TANC1: variants seen among roughly 807,000 people sequenced by gnomAD.
TANC1 encodes the protein protein TANC1.
In TANC1, 77 loss-of-function variants were observed where a neutral mutation model predicts 149.7. The observed-to-expected ratio is 0.51, with a 90% confidence interval of 0.43 to 0.62. The LOEUF (loss-of-function observed/expected upper bound fraction) is 0.62. Ranked by LOEUF, TANC1 falls within the 20% of genes least tolerant of loss-of-function variation. The pLI is 0.00. For synonymous variants in TANC1, 854 were observed against 925.0 expected (o/e 0.92, Z 1.39); for missense variants, 1,985 against 2,321.8 (o/e 0.85, Z 2.98).
chr2:159,201,058 C>G (rs775899115), intron 19 of TANC1, among the ~76,000 whole-genome samples: 1 of 152,204 alleles, frequency 6.6e-6, no homozygotes, highest in Non-Finnish European at 1.5e-5. Context: ...TGCTGTTTTT[C>G]AGGCTTAGCC....
Position 159,230,734 on chromosome 2 carries a change from C to T in TANC1, c.5308C>T (p.Pro1770Ser), listed in dbSNP as rs772662368. 6.2e-7 allele frequency: 1 copy of T among 1,614,200 alleles called. No homozygotes were observed. The highest frequency in any genetic ancestry group is 1.1e-5 in the South Asian group (1 of 91,076). ...CCTGCAGTCTGCTAACACTGAGAAG[C>T]CCTCTCTCATGCAAGTGGGAGGATA... ...AGLQSANTEK[P>S]SLMQVGGYNN... Residue 1770 changes from proline to serine, a missense_variant, in exon 27 of 27, where the codon CCC becomes TCC. Around this residue, in one of 3 missense-constraint regions of TANC1, gnomAD observed 920 missense variants for 994.7 expected, o/e 0.92. Transcript: ENST00000263635. The surrounding 1 kb of genome is among the most constrained non-coding windows in gnomAD (Gnocchi z 4.4).
In TANC1 at chr2:159,217,575, C is replaced by T; in HGVS notation, c.3323C>T (p.Thr1108Ile). 1 of 1,614,200 alleles carries T rather than the reference C, an allele frequency of 6.2e-7. No individual in the cohort carries two copies. Among genetic ancestry groups the T allele is most frequent in the East Asian group, 2.2e-5 (1 of 44,882 alleles). Reference protein sequence around the residue: ...LLGHGAAVSRTNRRGVPPLFC... With the variant: ...LLGHGAAVSRINRRGVPPLFC... Reference sequence around the variant, plus strand: ...GGGCATGGAGCTGCTGTGTCGCGGACAAACAGGAGAGGGGTTCCACCTTTG... The same window carrying T: ...GGGCATGGAGCTGCTGTGTCGCGGATAAACAGGAGAGGGGTTCCACCTTTG... Residue 1108 changes from threonine to isoleucine, a missense_variant, in exon 20 of 27, where the codon ACA becomes ATA. By Grantham distance (89) the Thr-to-Ile change is moderately conservative. This residue lies in a region of TANC1 where 920 missense variants were observed against 994.7 expected (regional missense o/e 0.92). Transcript: ENST00000263635.
At chr2:159,209,646 G>A (rs930875695) in intron 19 of TANC1, among the ~76,000 whole-genome samples, 1 of 152,126 alleles carries the variant, frequency 6.6e-6, no homozygotes, top group Non-Finnish European at 1.5e-5. Context: ...ACCAAGGCAG[G>A]GTGGGCAGTC....
chr2:159,053,851 T>C (rs1383779944), intron 2 of TANC1, among the ~76,000 whole-genome samples: 3 of 152,220 alleles, frequency 2.0e-5, no homozygotes, highest in Non-Finnish European at 4.4e-5. Flanking sequence ...GCTAATGAAC[T>C]CAAGAGCTTG....
chr2:159,232,394 A>G lies in TANC1; in HGVS notation c.*1382A>G, dbSNP rs1271764133. 4 of 152,596 alleles carry G rather than the reference A, an allele frequency of 2.6e-5. No individual in the cohort carries two copies. Among genetic ancestry groups the G allele is most frequent in the African/African-American group, 9.7e-5 (4 of 41,440 alleles). 9.5% of individuals were successfully genotyped at this position (152,596 alleles called of 1,614,324 possible). ...ATATTTGCAGAATGTTTTAAAGTGA[A>G]TTGTTGTAATGAAGTTCCTGTGAAC... On this transcript the variant is annotated 3_prime_UTR_variant, in exon 27 of 27. Coordinates refer to ENST00000263635, the MANE Select transcript of TANC1 (RefSeq NM_033394.3).
At chr2:159,063,848 G>C (rs543796078) in intron 2 of TANC1, among the ~76,000 whole-genome samples, 6 of 152,242 alleles carry the variant, frequency 3.9e-5, no homozygotes, top group African/African-American at 1.4e-4. Flanking sequence ...CCCGTGTGAT[G>C]CCTATTCTGA....
At chr2:158,992,854 G>A (rs1015405582) in intron 1 of TANC1, among the ~76,000 whole-genome samples, 2 of 152,014 alleles carry the variant, frequency 1.3e-5, no homozygotes, top group African/African-American at 4.8e-5. Context: ...CCCAGGTGTT[G>A]TGTGGTTCTC....
chr2:158,975,627 G>T (rs1463098124), intron 1 of TANC1, among the ~76,000 whole-genome samples: 2 of 151,278 alleles, frequency 1.3e-5, no homozygotes, highest in Non-Finnish European at 2.9e-5. Context: ...GTAGAGACAG[G>T]GTCTCACCAT....
intron 20 of TANC1, among the ~76,000 whole-genome samples, 162 bp downstream of exon 20, chr2:159,217,792 C>T (rs996892706): frequency 6.6e-6 from 1 of 152,196 alleles, no homozygotes; most frequent in Non-Finnish European, 1.5e-5. Context: ...CCACGTTTGA[C>T]AAGATAACAC....
At chr2:159,166,786 A>G (rs2054641993) in intron 8 of TANC1, among the ~76,000 whole-genome samples, 1 of 152,164 alleles carries the variant, frequency 6.6e-6, no homozygotes, top group Non-Finnish European at 1.5e-5. Flanking sequence ...TGGCACCTCT[A>G]TTGGTGGCTT....
intron 2 of TANC1, chr2:159,056,987 A>G (rs927611921): frequency 4.5e-5 from 8 of 178,764 alleles, no homozygotes; most frequent in Non-Finnish European, 8.6e-5. Flanking sequence ...GTTGCACGAT[A>G]TGATGATGCT....
chr2:159,107,652 C>T (rs2047321462), intron 4 of TANC1, among the ~76,000 whole-genome samples: 1 of 152,168 alleles, frequency 6.6e-6, no homozygotes, highest in African/African-American at 2.4e-5. Flanking sequence ...GTGCCTTCAC[C>T]CAGCCCTATT....
chr2:159,076,839 A>G (rs931479415), intron 3 of TANC1, among the ~76,000 whole-genome samples: 23 of 152,306 alleles, frequency 1.5e-4, no homozygotes, highest in Admixed American at 5.9e-4. Context: ...GGTTTATACT[A>G]TGTCTCCGGC....
chr2:159,170,620 A>G lies in TANC1; in HGVS notation c.1166A>G (p.Asp389Gly), dbSNP rs1486792524. Residue 389 changes from aspartate (D) to glycine (G), a missense_variant, in exon 10 of 27, where the codon GAT becomes GGT. Asp to Gly is a moderately conservative substitution (Grantham distance 94). Transcript: ENST00000263635. Reference sequence around the variant, plus strand: ...ACAGACTCTGTGTTTGTGGGAAGGGATTGGCTCTTTCACCAGATAGAAGAA... The same window carrying G: ...ACAGACTCTGTGTTTGTGGGAAGGGGTTGGCTCTTTCACCAGATAGAAGAA... The part of the protein sequence containing the change: ...ITTDSVFVGR[D>G]WLFHQIEENL... 3.1e-6 allele frequency: 5 copies of G among 1,614,160 alleles called. No homozygotes were observed. In the Admixed American group the frequency reaches 6.7e-5, roughly 22 times the overall value.
chr2:159,004,450 A>T (rs2036937740), intron 2 of TANC1: 1 of 745,314 alleles, frequency 1.3e-6, no homozygotes, highest in East Asian at 2.7e-5. Flanking sequence ...TATATTAATA[A>T]TGCTGTTTGT....
chr2:159,212,841 A>C (rs1440959157), intron 19 of TANC1, among the ~76,000 whole-genome samples: 1 of 150,950 alleles, frequency 6.6e-6, no homozygotes, highest in Non-Finnish European at 1.5e-5. Context: ...AATGGCGTGA[A>C]CCCAAGAGGC....
In TANC1 at chr2:159,227,872, T is replaced by C. The variant is rs1166769402; in HGVS notation, c.3957T>C (p.Phe1319=). The change falls in exon 25 of 27, where the codon TTT becomes TTC. Residue 1319 remains phenylalanine, a synonymous_variant. Transcript: ENST00000263635. ...AQRYQYALRK[F]PREGFGEDMR... is the part of the protein sequence containing the mutation. ...GGTACCAGTATGCCTTAAGAAAGTT[T>C]CCTCGAGAAGGATTCGGAGAGGACA... 1.2e-6 allele frequency: 2 copies of C among 1,614,210 alleles called. No homozygotes were observed. The highest frequency in any genetic ancestry group is 2.2e-5 in the South Asian group (2 of 91,074).
At chr2:159,223,345 A>AC (rs746632937) in intron 22 of TANC1, among the ~76,000 whole-genome samples, 9 of 152,064 alleles carry the variant, frequency 5.9e-5, no homozygotes, top group Admixed American at 4.6e-4. Context: ...TATAAGGTGA[A>AC]CATCTTCTCA....
intron 2 of TANC1, among the ~76,000 whole-genome samples, chr2:159,021,870 A>G (rs781497508): frequency 2.0e-5 from 3 of 152,242 alleles, no homozygotes; most frequent in Admixed American, 6.5e-5. Flanking sequence ...AGTCTGCTAT[A>G]TAGGTCGTAA....
Sources: gnomAD v4.1 joint callset for allele counts (sites outside exome capture counted in the v4.1 genomes callset) on GRCh38, gnomAD v4.1.1 for gene constraint, gnomAD v4.1.1 regional missense constraint, Gnocchi (gnomAD v3.1) non-coding constraint, MANE v1.5 for transcripts, NCBI Gene and HGNC (gene_info 2026-07-23, HGNC 2026-07-21) for gene names.